Variants in SLC27A6 observed in about 807,000 individuals in gnomAD.
The protein encoded by SLC27A6 is long-chain fatty acid transport protein 6.
Under a neutral mutation model 63.9 loss-of-function variants are expected in SLC27A6, and 74 were observed. That is an observed-to-expected ratio of 1.16 (90% confidence interval 0.96 to 1.40). SLC27A6 has a LOEUF of 1.40. SLC27A6 is among the 40% of genes most tolerant of loss of function. The pLI, the probability that SLC27A6 is intolerant of heterozygous loss-of-function variation, is 0.00. For synonymous variants in SLC27A6, 287 were observed against 260.8 expected (o/e 1.10, Z -0.97); for missense variants, 794 against 732.9 (o/e 1.08, Z -0.96).
Position 128,966,468 on chromosome 5 carries a change from C to T in SLC27A6, c.331C>T (p.Leu111=). Residue 111 remains leucine, a synonymous_variant, in exon 1 of 10, where the codon CTG becomes TTG. Coordinates refer to ENST00000262462, the MANE Select transcript of SLC27A6 (RefSeq NM_001017372.3). ...SLKKGDTVAL[L]MSNEPDFVHV... Reference sequence around the variant, plus strand: ...GAAAAAGGGGGACACGGTGGCTCTGCTGATGAGCAATGAGCCGGACTTCGT... The same window carrying T: ...GAAAAAGGGGGACACGGTGGCTCTGTTGATGAGCAATGAGCCGGACTTCGT... 1.2e-6 allele frequency: 2 copies of T among 1,608,898 alleles called. No homozygotes were observed. The highest frequency in any genetic ancestry group is 1.3e-5 in the African/African-American group (1 of 74,902).
At chr5:128,999,722 C>G (rs1009644893) in intron 4 of SLC27A6, among the ~76,000 whole-genome samples, 2 of 152,100 alleles carry the variant, frequency 1.3e-5, no homozygotes, top group African/African-American at 4.8e-5. Context: ...ACTGTTCCCC[C>G]CCTGGATATT....
chr5:128,990,301 AT>A (rs1186471062), intron 3 of SLC27A6, 38 bp from the exon 4 acceptor site: 5 of 1,599,274 alleles, frequency 3.1e-6, no homozygotes, highest in Non-Finnish European at 4.3e-6. Context: ...CTGCCTTTGA[AT>A]TTTTTTCCCT....
chr5:128,998,739 A>C (rs10065154), intron 4 of SLC27A6, among the ~76,000 whole-genome samples: 34,975 of 152,042 alleles, frequency 0.23, 5,144 homozygotes, highest in East Asian at 0.71. Context: ...TTTCACATTG[A>C]CTATTCCTTA....
chr5:128,979,114 G>A (rs1032327045), intron 1 of SLC27A6, among the ~76,000 whole-genome samples: 1 of 141,850 alleles, frequency 7.0e-6, no homozygotes, highest in African/African-American at 2.5e-5. Flanking sequence ...ACAAATGGAT[G>A]CAATCATTAT....
rs372667873 is a variant in SLC27A6, at chr5:128,990,943, C to T, written c.969+479C>T. Among the ~76,000 whole-genome samples, 14 of 152,126 alleles carry T rather than the reference C, an allele frequency of 9.2e-5. 1 individual carries two copies. In the East Asian group the frequency reaches 1.2e-3, roughly 13 times the overall value. Reference sequence around the variant, plus strand: ...GAAGTCAGCAGCGGGTCTGCGATGGCGGAGATCAGCAGTGGTGGACGGTGA... The same window carrying T: ...GAAGTCAGCAGCGGGTCTGCGATGGTGGAGATCAGCAGTGGTGGACGGTGA... On this transcript the variant is annotated intron_variant, in intron 4 of 9. Coordinates refer to ENST00000262462, the MANE Select transcript of SLC27A6 (RefSeq NM_001017372.3).
intron 8 of SLC27A6, 120 bp downstream of exon 8, chr5:129,028,562 A>G (rs1345868072): frequency 3.3e-6 from 2 of 608,108 alleles, no homozygotes; most frequent in Non-Finnish European, 5.6e-6. Flanking sequence ...TAAAGATTTT[A>G]TTATTGTCTT....
At chr5:128,970,193 A>G (rs1750084907) in intron 1 of SLC27A6, among the ~76,000 whole-genome samples, 1 of 147,220 alleles carries the variant, frequency 6.8e-6, no homozygotes. Context: ...TTTTTGCATC[A>G]GTGTTCATCA....
chr5:129,013,955 T>G (rs1035500286), intron 4 of SLC27A6, among the ~76,000 whole-genome samples: 4 of 152,182 alleles, frequency 2.6e-5, no homozygotes, highest in African/African-American at 7.2e-5. Context: ...AAGGCTCAGA[T>G]TCTAGGGTGA....
intron 4 of SLC27A6, among the ~76,000 whole-genome samples, chr5:129,013,346 A>C (rs1424555251): frequency 1.3e-5 from 2 of 152,136 alleles, no homozygotes; most frequent in East Asian, 1.9e-4. Flanking sequence ...TTCTACTAAA[A>C]ACAAAATTTT....
At chr5:128,966,916 C>T (rs1303894906) in intron 1 of SLC27A6, among the ~76,000 whole-genome samples, 1 of 152,164 alleles carries the variant, frequency 6.6e-6, no homozygotes, top group African/African-American at 2.4e-5. Flanking sequence ...TTGGTCACTT[C>T]TAAATTTTAT....
intron 4 of SLC27A6, among the ~76,000 whole-genome samples, chr5:128,991,163 A>G (rs923049774): frequency 1.3e-5 from 2 of 152,068 alleles, no homozygotes; most frequent in African/African-American, 2.4e-5. Context: ...ATGATTGACT[A>G]TTTCTTTACC....
At chr5:128,995,030 C>T (rs6859755) in intron 4 of SLC27A6, among the ~76,000 whole-genome samples, 103,906 of 152,102 alleles carry the variant, frequency 0.68, 36,015 homozygotes, top group African/African-American at 0.72. Flanking sequence ...TTCTTCTCTT[C>T]CCCTGAGACT....
intron 4 of SLC27A6, among the ~76,000 whole-genome samples, chr5:129,006,057 T>C (rs1263696296): frequency 6.8e-6 from 1 of 147,808 alleles, no homozygotes; most frequent in Non-Finnish European, 1.5e-5. Flanking sequence ...AAAATTTTCA[T>C]TCCTGTGCAC....
At chr5:128,972,325 T>C (rs541913908) in intron 1 of SLC27A6, among the ~76,000 whole-genome samples, 1 of 152,196 alleles carries the variant, frequency 6.6e-6, no homozygotes, top group Non-Finnish European at 1.5e-5. Context: ...CTAGGTAGGG[T>C]AAGTTCTCCT....
At chr5:128,994,396 TGTTCTTGG>T (rs1237049032) in intron 4 of SLC27A6, among the ~76,000 whole-genome samples, 13 of 152,306 alleles carry the variant, frequency 8.5e-5, no homozygotes, top group African/African-American at 3.1e-4. Context: ...GAGTACAAGC[TGTTCTTGG>T]CATTACAAAT....
At chr5:128,995,409 T>TATAC (rs753525850) in intron 4 of SLC27A6, among the ~76,000 whole-genome samples, 1 of 152,212 alleles carries the variant, frequency 6.6e-6, no homozygotes, top group Non-Finnish European at 1.5e-5. Context: ...TCTTAGAATT[T>TATAC]ATACTCTCTT....
At chr5:129,009,384 G>A (rs1392057104) in intron 4 of SLC27A6, among the ~76,000 whole-genome samples, 1 of 151,686 alleles carries the variant, frequency 6.6e-6, no homozygotes, top group African/African-American at 2.4e-5. Context: ...CGTCTACCTG[G>A]CTTCCTACTC....
chr5:129,010,866 T>G (rs1469471091), intron 4 of SLC27A6, among the ~76,000 whole-genome samples: 1 of 152,208 alleles, frequency 6.6e-6, no homozygotes, highest in Admixed American at 6.5e-5. Context: ...TTCAGTTTTG[T>G]GAGTCCTGAA....
chr5:128,984,486 A>T (rs1457847216), intron 1 of SLC27A6, among the ~76,000 whole-genome samples: 1 of 152,216 alleles, frequency 6.6e-6, no homozygotes, highest in Non-Finnish European at 1.5e-5. Flanking sequence ...CTTGTAGCAG[A>T]TCCTTCCTAA....
Sources: gnomAD v4.1 joint callset for allele counts (sites outside exome capture counted in the v4.1 genomes callset) on GRCh38, gnomAD v4.1.1 for gene constraint, MANE v1.5 for transcripts, NCBI Gene and HGNC (gene_info 2026-07-23, HGNC 2026-07-21) for gene names.